LPP: variants seen among roughly 807,000 people sequenced by gnomAD.
The protein encoded by LPP is lipoma-preferred partner.
Under a neutral mutation model 60.4 loss-of-function variants are expected in LPP, and 38 were observed. The observed-to-expected ratio is 0.63, with a 90% CI of 0.49 to 0.83. LPP has a LOEUF of 0.83. Among genes scored for constraint, LPP ranks in the 40% least tolerant of loss-of-function variants. LPP has a pLI of 0.00. For missense variants in LPP, 902 were observed against 783.6 expected (o/e 1.15, Z -1.80); for synonymous variants, 328 against 290.8 (o/e 1.13, Z -1.30).
chr3:188,572,342 TAATG>T lies in LPP; in HGVS notation c.430-36818_430-36815del, dbSNP rs1157647239. Among the ~76,000 whole-genome samples, 3 of 152,116 alleles carry T rather than the reference TAATG, an allele frequency of 2.0e-5. No homozygotes were observed. The highest frequency in any genetic ancestry group is 7.2e-5 in the African/African-American group (3 of 41,440). The stretch of plus-strand genomic sequence containing the variant: ...TTTTTGTTTCCGGTTTTGTAATAGC[TAATG>T]GTGTATTTTATAATCAGTAGCATCT... On this transcript the variant is annotated intron_variant, in intron 6 of 11. Transcript: ENST00000617246. The surrounding 1 kb of genome is among the most constrained non-coding windows in gnomAD (Gnocchi z 4.1).
chr3:188,468,637 A>G (rs1379723720), intron 4 of LPP, among the ~76,000 whole-genome samples: 5 of 152,122 alleles, frequency 3.3e-5, no homozygotes, highest in African/African-American at 1.2e-4. Context: ...TTATAAGAAG[A>G]AGCATAATAT....
chr3:188,433,211 C>T (rs544988587), intron 4 of LPP, among the ~76,000 whole-genome samples: 7 of 152,156 alleles, frequency 4.6e-5, no homozygotes, highest in South Asian at 4.1e-4. Flanking sequence ...GAGTATTGAA[C>T]GTTATAGTGA....
chr3:188,847,112 A>G (rs539364614), intron 9 of LPP, among the ~76,000 whole-genome samples: 10 of 152,240 alleles, frequency 6.6e-5, no homozygotes, highest in Non-Finnish European at 1.2e-4. Flanking sequence ...AGTAGAGTGC[A>G]CAATATCTGC....
chr3:188,432,072 G>A (rs145179500), intron 4 of LPP, among the ~76,000 whole-genome samples: 71 of 152,128 alleles, frequency 4.7e-4, no homozygotes, highest in African/African-American at 1.7e-3. Flanking sequence ...GCTGTATGCC[G>A]GGTATCTGGT....
chr3:188,223,294 T>C (rs1716492318), intron 1 of LPP, among the ~76,000 whole-genome samples: 1 of 152,236 alleles, frequency 6.6e-6, no homozygotes. Flanking sequence ...GAAGCTTTTA[T>C]AGATACTTCT....
chr3:188,432,511 A>G (rs1006098487), intron 4 of LPP, among the ~76,000 whole-genome samples: 5 of 152,114 alleles, frequency 3.3e-5, no homozygotes, highest in African/African-American at 1.2e-4. Flanking sequence ...GGATTCAGAG[A>G]GGTCTTTGTG....
chr3:188,855,113 C>T (rs758296663), intron 9 of LPP, among the ~76,000 whole-genome samples: 2 of 152,188 alleles, frequency 1.3e-5, no homozygotes, highest in African/African-American at 4.8e-5. Flanking sequence ...AAAGAGCATT[C>T]TCCTAATTTC....
chr3:188,172,961 G>A (rs561529902), intron 1 of LPP, among the ~76,000 whole-genome samples: 22 of 152,278 alleles, frequency 1.4e-4, no homozygotes, highest in African/African-American at 5.1e-4. Context: ...TTGACCTTCT[G>A]GGTTCAAGCA....
intron 9 of LPP, among the ~76,000 whole-genome samples, chr3:188,801,896 C>T (rs972948861): frequency 2.0e-5 from 3 of 152,212 alleles, no homozygotes; most frequent in African/African-American, 7.2e-5. Context: ...TATTGCCCCT[C>T]ATCATGGTGT....
At chr3:188,460,601 A>G (rs1307477826) in intron 4 of LPP, among the ~76,000 whole-genome samples, 2 of 151,868 alleles carry the variant, frequency 1.3e-5, no homozygotes, top group Admixed American at 6.6e-5. Flanking sequence ...CTTTTAAAAC[A>G]TGGTATAATT....
At chr3:188,294,863 C>A (rs546669114) in intron 2 of LPP, among the ~76,000 whole-genome samples, 69 of 152,348 alleles carry the variant, frequency 4.5e-4, no homozygotes, top group African/African-American at 1.6e-3. Flanking sequence ...CTAGAAGGAA[C>A]AAGCTCCCGC....
intron 3 of LPP, among the ~76,000 whole-genome samples, chr3:188,348,303 C>A (rs779979764): frequency 3.3e-5 from 5 of 151,876 alleles, no homozygotes; most frequent in African/African-American, 9.7e-5. Flanking sequence ...TGAGCCACCA[C>A]GCCCAGCTAA....
intron 9 of LPP, among the ~76,000 whole-genome samples, chr3:188,822,524 G>T (rs1754267124): frequency 6.6e-6 from 1 of 152,164 alleles, no homozygotes; most frequent in African/African-American, 2.4e-5. Flanking sequence ...ACACTTTGGG[G>T]AAGTATACGA....
intron 8 of LPP, among the ~76,000 whole-genome samples, chr3:188,740,171 A>C (rs1723914464): frequency 6.6e-6 from 1 of 152,086 alleles, no homozygotes. Flanking sequence ...CAACACAGGC[A>C]TCAGAAAGTC....
intron 8 of LPP, among the ~76,000 whole-genome samples, chr3:188,753,955 T>C (rs191322276): frequency 6.6e-6 from 1 of 152,220 alleles, no homozygotes; most frequent in Admixed American, 6.5e-5. Context: ...GCTTTTAAGA[T>C]ATGATAAAAA....
At chr3:188,721,104 T>C (rs1716180441) in intron 8 of LPP, among the ~76,000 whole-genome samples, 1 of 152,218 alleles carries the variant, frequency 6.6e-6, no homozygotes, top group Admixed American at 6.5e-5. Flanking sequence ...CTATCCATAG[T>C]ATTATTTGCC....
At chr3:188,323,405 G>A (rs531598693) in intron 2 of LPP, among the ~76,000 whole-genome samples, 3 of 152,254 alleles carry the variant, frequency 2.0e-5, no homozygotes, top group African/African-American at 7.2e-5. Context: ...CGTTCACCAT[G>A]CATCTTCACA....
intron 4 of LPP, among the ~76,000 whole-genome samples, chr3:188,459,903 A>G (rs1312316911): frequency 6.6e-6 from 1 of 152,122 alleles, no homozygotes; most frequent in African/African-American, 2.4e-5. Context: ...GTGTGGCCTT[A>G]GTCAGTTTCT....
At chr3:188,518,614 G>A (rs1818045925) in intron 5 of LPP, among the ~76,000 whole-genome samples, 1 of 152,182 alleles carries the variant, frequency 6.6e-6, no homozygotes, top group Non-Finnish European at 1.5e-5. Flanking sequence ...GTCTGTAATT[G>A]AGCAGTCACA....
Sources: allele counts gnomAD v4.1 joint callset (sites outside exome capture counted in the v4.1 genomes callset), GRCh38; gene constraint gnomAD v4.1.1; non-coding constraint Gnocchi (gnomAD v3.1); transcripts MANE v1.5; gene names NCBI Gene and HGNC (gene_info 2026-07-23, HGNC 2026-07-21).